The following GCDH variants were observed in gnomAD, a reference collection of about 807,000 sequenced individuals.
GCDH encodes the protein glutaryl-CoA dehydrogenase, mitochondrial.
Under a neutral mutation model 52.8 loss-of-function variants are expected in GCDH, and 31 were observed. The observed-to-expected ratio is 0.59, with a 90% CI of 0.44 to 0.79. The LOEUF (loss-of-function observed/expected upper bound fraction) is 0.79, where lower values mean the gene tolerates loss of function less well. GCDH is among the 30% of genes least tolerant of loss of function. The pLI is 0.00. For synonymous variants in GCDH, 242 were observed against 250.0 expected (o/e 0.97, Z 0.30); for missense variants, 509 against 595.0 (o/e 0.86, Z 1.50).
intron 3 of GCDH, 119 bp from the exon 4 acceptor site, chr19:12,891,712 C>G: frequency 6.2e-7 from 1 of 1,605,914 alleles, no homozygotes; most frequent in Non-Finnish European, 8.5e-7. Flanking sequence ...ATCAGTCTCG[C>G]TTGCAGCTCG....
At position 12,891,896 on chromosome 19, in the gene GCDH, ATCC is replaced by A. The variant is rs1177859298; in HGVS notation, c.196_198del (p.Leu66del). ...GGAGGAGCAGCTGACCACAGATGAG[ATCC>A]TCATCAGGGACACCTTCCGCACCTA... On this transcript the variant is annotated inframe_deletion, in exon 4 of 12. Transcript: ENST00000222214. 6.2e-7 allele frequency: 1 copy of A among 1,613,884 alleles called. No individual in the cohort carries two copies. The highest frequency in any genetic ancestry group is 1.7e-5 in the Admixed American group (1 of 60,026).
chr19:12,897,563 G>A, intron 10 of GCDH, 135 bp downstream of exon 10: 3 of 1,429,678 alleles, frequency 2.1e-6, no homozygotes, highest in Non-Finnish European at 3.0e-6. Flanking sequence ...TGTCCTTGAT[G>A]GGCTGGGCTG....
intron 9 of GCDH, 46 bp downstream of exon 9, chr19:12,897,059 T>G: frequency 6.8e-7 from 1 of 1,475,670 alleles, no homozygotes; most frequent in Non-Finnish European, 9.4e-7. Flanking sequence ...TGGGGCAGCT[T>G]GGGTTTCACT....
chr19:12,899,118 T>C (rs1444391055), intron 11 of GCDH: 1 of 563,272 alleles, frequency 1.8e-6, no homozygotes, highest in African/African-American at 2.0e-5. Context: ...GGGCTGGGGG[T>C]GGGGAGAACT....
rs121434373 is a variant in GCDH at position 12,896,249 on chromosome 19, G to T, written c.680G>T (p.Arg227Leu). 1 of 1,612,350 alleles carries T rather than the reference G, an allele frequency of 6.2e-7. No homozygotes were observed. Among genetic ancestry groups the T allele is most frequent in the South Asian group, 1.1e-5 (1 of 90,978 alleles). Residue 227 changes from arginine to leucine, a missense_variant, in exon 8 of 12, where the codon CGG becomes CTG. Physicochemically the swap from Arg to Leu is moderately radical, Grantham distance 102. Coordinates refer to ENST00000222214, the MANE Select transcript of GCDH (RefSeq NM_000159.4). The surrounding 1 kb of genome is among the most constrained non-coding windows in gnomAD (Gnocchi z 5.5). ...GCCGATCTGTTTGTAGTGTGGGCTC[G>T]GTGTGAAGATGGCTGCATTCGGGGC... The part of the protein sequence containing the change: ...PMADLFVVWA[R>L]CEDGCIRGFL...
intron 1 of GCDH, 24 bp from the exon 2 acceptor site, chr19:12,891,247 G>T: frequency 1.4e-6 from 2 of 1,447,572 alleles, no homozygotes; most frequent in Non-Finnish European, 1.9e-6. Context: ...GAGGAGCTCC[G>T]CTCTGACACC....
intron 6 of GCDH, chr19:12,894,691 G>C: frequency 1.2e-6 from 1 of 808,202 alleles, no homozygotes; most frequent in Non-Finnish European, 2.0e-6. Context: ...ATGTCCTGCA[G>C]CACAAACAGC....
intron 6 of GCDH, chr19:12,893,943 A>G (rs1970615586): frequency 8.5e-6 from 5 of 585,878 alleles, no homozygotes; most frequent in Admixed American, 3.0e-5. Context: ...GCTCACACCT[A>G]TAATCCCAGC....
At chr19:12,894,767 CT>C in intron 6 of GCDH, 2 of 828,428 alleles carry the variant, frequency 2.4e-6, no homozygotes, top group Non-Finnish European at 3.7e-6. Flanking sequence ...ATATGCTAAA[CT>C]TTTGGCCAAG....
At chr19:12,894,448 C>T in intron 6 of GCDH, 1 of 742,412 alleles carries the variant, frequency 1.3e-6, no homozygotes, top group Non-Finnish European at 2.5e-6. Flanking sequence ...GGATGCCAAT[C>T]TGAGTGTTCT....
chr19:12,899,301 C>G (rs547797520), intron 11 of GCDH, 167 bp from the exon 12 acceptor site: 1 of 1,557,150 alleles, frequency 6.4e-7, no homozygotes, highest in East Asian at 2.2e-5. Flanking sequence ...ACAGTCTTCT[C>G]CTGGAGACTG....
In GCDH at chr19:12,892,125, G is replaced by C; in HGVS notation, c.281G>C (p.Arg94Pro). 1 of 1,614,144 alleles carries C rather than the reference G, an allele frequency of 6.2e-7. No homozygotes were observed. The highest frequency in any genetic ancestry group is 8.5e-7 in the Non-Finnish European group (1 of 1,180,006). Residue 94 changes from arginine (R) to proline (P), a missense_variant, in exon 5 of 12, where the codon CGG (arginine) becomes CCG (proline). By Grantham distance (103) the Arg-to-Pro change is moderately radical. Coordinates refer to ENST00000222214, the MANE Select transcript of GCDH (RefSeq NM_000159.4). ...LLANRNEVFHREIISEMGELG... is the reference protein window; with the variant it reads ...LLANRNEVFHPEIISEMGELG... ...ACTGGTCCCTTTGCAGTTTTTCATC[G>C]GGAGATCATTTCGGAGATGGGGGAG... is the stretch of plus-strand genomic sequence containing the variant.
chr19:12,897,424 G>T lies in GCDH; in HGVS notation c.1078G>T (p.Asp360Tyr), dbSNP rs1190709169. ...CLQLGRLKDQ[D>Y]KAAPEMVSLL... is the part of the protein sequence containing the mutation. ...GCAGCTCGGCCGCTTGAAGGACCAG[G>T]ACAAGTAGGGGCTGTGTGGTGGGGG... Residue 360 changes from aspartate (D) to tyrosine (Y), a missense_variant, in exon 10 of 12, where the codon GAC becomes TAC. Coordinates refer to ENST00000222214, the MANE Select transcript of GCDH (RefSeq NM_000159.4). 1.2e-6 allele frequency: 2 copies of T among 1,612,404 alleles called. No individual in the cohort carries two copies. Among genetic ancestry groups the T allele is most frequent in the African/African-American group, 2.7e-5 (2 of 74,876 alleles).
chr19:12,894,689 C>G lies in GCDH; in HGVS notation c.505+1036C>G, dbSNP rs1235418892. On this transcript the variant is annotated intron_variant, in intron 6 of 11. Transcript: ENST00000222214. ...GCGCCTTGTCACTCCACATGTCCTGCAGCACAAACAGCGGCGTATTGCTCT... is the reference window on the plus strand; with the variant it reads ...GCGCCTTGTCACTCCACATGTCCTGGAGCACAAACAGCGGCGTATTGCTCT... 3 of 804,522 alleles carry G rather than the reference C, an allele frequency of 3.7e-6. No homozygotes were observed. In the Admixed American group the frequency reaches 7.6e-5, roughly 20 times the overall value. 49.8% of individuals were successfully genotyped at this position (804,522 alleles called of 1,614,324 possible). A position where few individuals can be genotyped will look rare whatever the true frequency, so the allele number is the denominator to read the frequency against.
At chr19:12,895,885 G>T in intron 6 of GCDH, 107 bp from the exon 7 acceptor site, 3 of 1,409,086 alleles carry the variant, frequency 2.1e-6, no homozygotes, top group African/African-American at 1.4e-5. Context: ...CTCCTAAAGT[G>T]CTGGGATGAC....
At chr19:12,897,222 C>T in intron 9 of GCDH, 81 bp from the exon 10 acceptor site, 2 of 1,580,608 alleles carry the variant, frequency 1.3e-6, no homozygotes, top group South Asian at 1.1e-5. Flanking sequence ...GGGAAGGCGT[C>T]CTGGAGCAGG....
At position 12,891,176 on chromosome 19, in the gene GCDH, C is replaced by G. The variant is rs1175891838; in HGVS notation, c.-61C>G. On this transcript the variant is annotated 5_prime_UTR_variant, in exon 1 of 12. Transcript: ENST00000222214. ...GCCTGCGTCAGTTGCACTGTAGCCTCGGCAGTGAACCGGGAGGTACTACCA... is the reference window on the plus strand; with the variant it reads ...GCCTGCGTCAGTTGCACTGTAGCCTGGGCAGTGAACCGGGAGGTACTACCA... The G allele has an allele frequency of 1.4e-6, 1 of 724,286 alleles. No individual in the cohort carries two copies. The highest frequency in any genetic ancestry group is 1.7e-5 in the African/African-American group (1 of 57,594). 44.9% of individuals were successfully genotyped at this position (724,286 alleles called of 1,614,324 possible).
chr19:12,893,589 C>T lies in GCDH; in HGVS notation c.441C>T (p.Leu147=), dbSNP rs931207617. The T allele has an allele frequency of 2.5e-6, 4 of 1,613,896 alleles. No homozygotes were observed. The highest frequency in any genetic ancestry group is 2.2e-5 in the East Asian group (1 of 44,886). The change falls in exon 6 of 12, where the codon CTC becomes CTT. Residue 147 remains leucine (L), a synonymous_variant. Coordinates refer to ENST00000222214, the MANE Select transcript of GCDH (RefSeq NM_000159.4). ...YRSAMSVQSS[L]VMHPIYAYGS... ...CGGCGATGAGTGTCCAGTCCTCCCT[C>T]GTCATGCACCCTATCTATGCCTATG... is the stretch of plus-strand genomic sequence containing the variant.
rs764513971 is a variant in GCDH, at chr19:12,897,871, C to A, written c.1243+8C>A. ...CCGTGAACACCTACGAAGGTAGGAG[C>A]TGGACCTCAGAGGGCTCACTGAGGC... On this transcript the variant is annotated splice_region_variant and intron_variant, in intron 11 of 11. Transcript: ENST00000222214. The A allele has an allele frequency of 6.2e-7, 1 of 1,612,518 alleles. No homozygotes were observed. Among genetic ancestry groups the A allele is most frequent in the Non-Finnish European group, 8.5e-7 (1 of 1,178,764 alleles).
Sources: allele counts gnomAD v4.1 joint callset, GRCh38; gene constraint gnomAD v4.1.1; non-coding constraint Gnocchi (gnomAD v3.1); transcripts MANE v1.5; gene names NCBI Gene and HGNC (gene_info 2026-07-23, HGNC 2026-07-21).